The following DUX4 variants were observed in gnomAD, a reference collection of about 807,000 sequenced individuals.
DUX4 encodes double homeobox 4, also known as double homeobox protein 4.
chr4:190,178,723 A>AAATCACCTGGGTGATCAATG (rs1742446260), downstream of DUX4, among the ~76,000 whole-genome samples: 1 of 151,094 alleles, frequency 6.6e-6, no homozygotes, highest in African/African-American at 2.4e-5. Context: ...TAGATGAGTT[A>AAATCACCTGGGTGATCAATG]CATCACCTGG....
downstream of DUX4, among the ~76,000 whole-genome samples, chr4:190,177,929 T>A (rs1742395579): frequency 8.5e-6 from 1 of 118,174 alleles, no homozygotes; most frequent in Admixed American, 9.1e-5. Flanking sequence ...AGTGTGGAGA[T>A]ATGTCACAAT....
At chr4:190,177,187 A>AACGCCCCAGTAGGC (rs1742349210), downstream of DUX4, among the ~76,000 whole-genome samples, 1 of 151,738 alleles carries the variant, frequency 6.6e-6, no homozygotes, top group Non-Finnish European at 1.5e-5. Context: ...GCTATGTCAA[A>AACGCCCCAGTAGGC]ACGCCCCTGT....
downstream of DUX4, among the ~76,000 whole-genome samples, chr4:190,178,869 T>TGGGTGATAAGTGC (rs1742458412): frequency 6.6e-6 from 1 of 150,560 alleles, no homozygotes; most frequent in African/African-American, 2.4e-5. Context: ...TTACATCACC[T>TGGGTGATAAGTGC]GGGTGATCAG....
downstream of DUX4, among the ~76,000 whole-genome samples, chr4:190,177,262 C>A (rs1742355586): frequency 5.1e-4 from 66 of 129,522 alleles, 1 homozygote; most frequent in African/African-American, 1.7e-3. Context: ...CACAATACCC[C>A]CTGTAGGTGG....
At chr4:190,179,353 C>T (rs1742488397), downstream of DUX4, among the ~76,000 whole-genome samples, 1 of 151,430 alleles carries the variant, frequency 6.6e-6, no homozygotes, top group Non-Finnish European at 1.5e-5. Context: ...CCTAGGTGAT[C>T]AGTGCAGAGA....
At chr4:190,176,051 A>G (rs1742289560), downstream of DUX4, among the ~76,000 whole-genome samples, 1 of 112,014 alleles carries the variant, frequency 8.9e-6, no homozygotes, top group Non-Finnish European at 2.1e-5. Context: ...GAGCCTAGAC[A>G]ATTGTTACAT....
chr4:190,183,834 G>C (rs1230566726), intron 1 of DUX4, among the ~76,000 whole-genome samples: 8,492 of 92,882 alleles, frequency 0.091, 432 homozygotes, highest in East Asian at 0.23. Flanking sequence ...CCCACAACCC[G>C]CAGCATACTG....
intron 1 of DUX4, among the ~76,000 whole-genome samples, chr4:190,181,552 A>ATATCACTAGGTCCCGTAGACAGAGCGTAG: frequency 6.6e-6 from 1 of 150,778 alleles, no homozygotes; most frequent in Non-Finnish European, 1.5e-5. Flanking sequence ...ATGCAGCGAT[A>ATATCACTAGGTCCCGTAGACAGAGCGTAG]TGTCACTATG....
At chr4:190,176,015 G>T (rs1280562095), downstream of DUX4, among the ~76,000 whole-genome samples, 1 of 110,388 alleles carries the variant, frequency 9.1e-6, no homozygotes, top group South Asian at 3.3e-4. Flanking sequence ...TCAGTGTAGA[G>T]ATATGTTAAA....
chr4:190,178,149 C>G (rs1742406378), downstream of DUX4, among the ~76,000 whole-genome samples: 5 of 111,056 alleles, frequency 4.5e-5, no homozygotes, highest in Non-Finnish European at 7.7e-5. Context: ...TCACAACGCC[C>G]TCTGTAGGCA....
downstream of DUX4, among the ~76,000 whole-genome samples, chr4:190,177,396 CCCCTGTAGGTCGAGT>C (rs1742364559): frequency 9.0e-5 from 1 of 11,070 alleles, no homozygotes. Flanking sequence ...TGTCACAAAG[CCCCTGTAGGTCGAGT>C]CTAGACAAGA....
chr4:190,175,928 C>T, downstream of DUX4: 2 of 124,324 alleles, frequency 1.6e-5, 1 homozygote, highest in Non-Finnish European at 3.5e-5. Context: ...ATTTACAGAA[C>T]TTCGGTGATC....
chr4:190,178,145 C>A (rs1579833859), downstream of DUX4, among the ~76,000 whole-genome samples: 28 of 135,992 alleles, frequency 2.1e-4, no homozygotes, highest in East Asian at 1.5e-3. Flanking sequence ...GATGTCACAA[C>A]GCCCTCTGTA....
Position 190,175,704 on chromosome 4 carries a change from G to A in DUX4, c.*294G>A. 2 of 167,016 alleles carry A rather than the reference G, an allele frequency of 1.2e-5. 1 individual carries two copies. Among genetic ancestry groups the A allele is most frequent in the Non-Finnish European group, 2.3e-5 (2 of 87,440 alleles). The allele number at this position is 167,016 out of a possible 1,614,324, so 10.3% of individuals were successfully genotyped here. A position where few individuals can be genotyped will look rare whatever the true frequency, so the allele number is the denominator to read the frequency against. ...CAAGGGAGCTCGCTGGCCTCTCTGT[G>A]CCCTTGTTCTTCCGTGAAATTCTGG... On this transcript the variant is annotated 3_prime_UTR_variant, in exon 2 of 2. Transcript: ENST00000565211.
downstream of DUX4, among the ~76,000 whole-genome samples, chr4:190,176,168 C>T: frequency 1.8e-5 from 2 of 112,612 alleles, 1 homozygote; most frequent in Non-Finnish European, 4.2e-5. Flanking sequence ...CACAAAGCCC[C>T]TATAAGCCAA....
chr4:190,176,658 C>A (rs1445169833), downstream of DUX4, among the ~76,000 whole-genome samples: 40 of 96,144 alleles, frequency 4.2e-4, no homozygotes, highest in East Asian at 1.2e-3. Flanking sequence ...GTAGGCAGAG[C>A]CTAGACAAGA....
At chr4:190,179,510 A>G (rs1742499627), downstream of DUX4, among the ~76,000 whole-genome samples, 129 of 124,822 alleles carry the variant, frequency 1.0e-3, no homozygotes, top group Admixed American at 9.2e-4. Flanking sequence ...ATATGTCACA[A>G]GCCCCCTGTA....
chr4:190,181,719 A>G (rs1742591582), intron 1 of DUX4, among the ~76,000 whole-genome samples: 411 of 132,708 alleles, frequency 3.1e-3, no homozygotes, highest in South Asian at 3.8e-3. Flanking sequence ...CAGATCCAAC[A>G]CAAGAGTTAC....
At chr4:190,181,480 G>A (rs1742572950) in intron 1 of DUX4, among the ~76,000 whole-genome samples, 695 of 74,600 alleles carry the variant, frequency 9.3e-3, no homozygotes, top group Middle Eastern at 0.036. Context: ...TCAGTGCAGA[G>A]ATACGTCACA....
Sources: gnomAD v4.1 joint callset for allele counts (sites outside exome capture counted in the v4.1 genomes callset) on GRCh38, gnomAD v4.1.1 for gene constraint, MANE v1.5 for transcripts, NCBI Gene and HGNC (gene_info 2026-07-23, HGNC 2026-07-21) for gene names.